Variants in CSMD1 observed in about 807,000 individuals in gnomAD.
CSMD1 encodes CUB and sushi domain-containing protein 1.
A neutral mutation model predicts 417.5 loss-of-function variants in CSMD1; 213 were observed. The ratio of observed to expected loss-of-function variants is 0.51; its 90% CI spans 0.46 to 0.57. The LOEUF (loss-of-function observed/expected upper bound fraction) is 0.57, where lower values mean the gene tolerates loss of function less well. Among genes scored for constraint, CSMD1 ranks in the 20% least tolerant of loss-of-function variants. The probability of loss-of-function intolerance (pLI) is 0.00; values close to 1 mark genes in which losing one functional copy is unlikely to be tolerated. For missense variants in CSMD1, 6,923 were observed against 4,529.7 expected, an observed-to-expected ratio of 1.53 and a Z score of -15.17; for synonymous variants, 2,862 against 1,736.8, an observed-to-expected ratio of 1.65 and a Z score of -16.11.
At chr8:4,662,364 A>G (rs1427563523) in intron 1 of CSMD1, among the ~76,000 whole-genome samples, 1 of 152,182 alleles carries the variant, frequency 6.6e-6, no homozygotes, top group Non-Finnish European at 1.5e-5. Flanking sequence ...AGGAACATGC[A>G]TTGTTCCTGA....
chr8:3,232,273 C>G (rs746267222), intron 26 of CSMD1, among the ~76,000 whole-genome samples: 1 of 152,136 alleles, frequency 6.6e-6, no homozygotes, highest in Non-Finnish European at 1.5e-5. Context: ...AAATGCTTAA[C>G]TGGAATTATA....
chr8:3,902,558 T>C (rs554249505), intron 5 of CSMD1, among the ~76,000 whole-genome samples: 2 of 152,196 alleles, frequency 1.3e-5, no homozygotes, highest in South Asian at 2.1e-4. Context: ...CCTACATCCA[T>C]TGCATGCTCA....
intron 30 of CSMD1, among the ~76,000 whole-genome samples, chr8:3,209,365 G>A (rs1797475626): frequency 6.6e-6 from 1 of 151,974 alleles, no homozygotes; most frequent in Admixed American, 6.6e-5. Flanking sequence ...GGCCCAGGCT[G>A]GAGTACAGTG....
intron 3 of CSMD1, among the ~76,000 whole-genome samples, chr8:4,399,131 G>C (rs926495872): frequency 1.3e-5 from 2 of 152,130 alleles, no homozygotes; most frequent in African/African-American, 4.8e-5. Context: ...TGTTTAAAAT[G>C]GGAATAATGA....
intron 5 of CSMD1, among the ~76,000 whole-genome samples, chr8:3,908,036 G>T (rs1024008903): frequency 1.3e-5 from 2 of 152,078 alleles, no homozygotes; most frequent in African/African-American, 2.4e-5. Context: ...GACTCCATAG[G>T]TATTTGACCC....
chr8:3,728,634 G>A (rs918083112), intron 6 of CSMD1, among the ~76,000 whole-genome samples: 1 of 152,184 alleles, frequency 6.6e-6, no homozygotes, highest in African/African-American at 2.4e-5. Flanking sequence ...CCACCATCCT[G>A]GAGCAGTCGT....
At chr8:3,970,718 T>G (rs1353653534) in intron 5 of CSMD1, among the ~76,000 whole-genome samples, 7 of 152,106 alleles carry the variant, frequency 4.6e-5, no homozygotes, top group Non-Finnish European at 7.4e-5. Context: ...GAGGTGCACC[T>G]CTGCTTAACA....
At chr8:4,332,659 C>A (rs922685408) in intron 3 of CSMD1, among the ~76,000 whole-genome samples, 5 of 151,258 alleles carry the variant, frequency 3.3e-5, no homozygotes, top group Non-Finnish European at 1.5e-5. Context: ...CTCATTACTA[C>A]CGTTTTGCTA....
At chr8:3,422,793 C>A (rs922720541) in intron 12 of CSMD1, among the ~76,000 whole-genome samples, 15 of 152,102 alleles carry the variant, frequency 9.9e-5, no homozygotes, top group African/African-American at 3.6e-4. Flanking sequence ...GTTCAAGAGG[C>A]TAGGAAGATC....
rs543371696 is a variant in CSMD1 at position 4,752,476 on chromosome 8, T to C, written c.86-114918A>G. Among the ~76,000 whole-genome samples the C allele has an allele frequency of 1.3e-4, 20 of 152,274 alleles. No homozygotes were observed. The South Asian group carries it at 2.5e-3, about 19-fold the overall frequency. The stretch of plus-strand genomic sequence containing the variant: ...ACTACCTCGGGTGATGAAGGAGAGA[T>C]CTTTGCTAGTGGCTTTGGTTATAAG... On this transcript the variant is annotated intron_variant, in intron 1 of 69. Transcript: ENST00000635120.
intron 1 of CSMD1, among the ~76,000 whole-genome samples, chr8:4,962,114 GTT>G (rs5889078): frequency 6.9e-5 from 10 of 144,932 alleles, no homozygotes; most frequent in African/African-American, 2.3e-4. Context: ...TTTTTTTGTT[GTT>G]TTTTTTTTGT....
At chr8:3,242,171 G>A (rs919741313) in intron 26 of CSMD1, among the ~76,000 whole-genome samples, 1 of 152,054 alleles carries the variant, frequency 6.6e-6, no homozygotes, top group African/African-American at 2.4e-5. Flanking sequence ...GCAGGTGGGG[G>A]AGGGCTAGTC....
chr8:3,981,972 C>G (rs1041669688), intron 5 of CSMD1, among the ~76,000 whole-genome samples: 1 of 151,846 alleles, frequency 6.6e-6, no homozygotes, highest in African/African-American at 2.4e-5. Context: ...GAGATTGAGA[C>G]CATCCTGGCT....
chr8:3,824,453 C>T (rs2129084256), intron 5 of CSMD1, among the ~76,000 whole-genome samples: 1 of 152,246 alleles, frequency 6.6e-6, no homozygotes, highest in South Asian at 2.1e-4. Flanking sequence ...TTTCATTCTG[C>T]ACCTCTGTCC....
At chr8:4,992,585 A>G (rs1474504129) in intron 1 of CSMD1, among the ~76,000 whole-genome samples, 2 of 151,804 alleles carry the variant, frequency 1.3e-5, no homozygotes, top group Non-Finnish European at 2.9e-5. Context: ...TCCTGCCCTC[A>G]CCCCGCTGCG....
At chr8:4,409,451 A>C (rs1796524083) in intron 3 of CSMD1, among the ~76,000 whole-genome samples, 2 of 152,156 alleles carry the variant, frequency 1.3e-5, no homozygotes, top group Non-Finnish European at 2.9e-5. Flanking sequence ...ATCAACAACA[A>C]AAAACAGCAA....
intron 7 of CSMD1, among the ~76,000 whole-genome samples, chr8:3,654,899 G>C (rs890407268): frequency 2.0e-5 from 3 of 152,248 alleles, no homozygotes; most frequent in Middle Eastern, 3.4e-3. Flanking sequence ...ACAGGAGCTG[G>C]GCTCCACACA....
chr8:3,426,024 T>TA (rs895351919), intron 12 of CSMD1, among the ~76,000 whole-genome samples: 1 of 152,086 alleles, frequency 6.6e-6, no homozygotes, highest in Non-Finnish European at 1.5e-5. Context: ...AAGAATTATT[T>TA]AAAAAAAATC....
intron 1 of CSMD1, among the ~76,000 whole-genome samples, chr8:4,736,312 G>A (rs980373524): frequency 2.0e-5 from 3 of 152,122 alleles, no homozygotes; most frequent in East Asian, 1.9e-4. Context: ...GAAAATTTAG[G>A]TAGTTGATTA....
Sources: allele counts gnomAD v4.1 joint callset (sites outside exome capture counted in the v4.1 genomes callset), GRCh38; gene constraint gnomAD v4.1.1; transcripts MANE v1.5; gene names NCBI Gene and HGNC (gene_info 2026-07-23, HGNC 2026-07-21).